Variants in PITRM1 observed in about 807,000 individuals in gnomAD.
PITRM1 encodes pitrilysin metallopeptidase 1.
In PITRM1, 100 loss-of-function variants were observed where a neutral mutation model predicts 129.9. That is an observed-to-expected ratio of 0.77 (90% CI 0.65 to 0.91). The LOEUF (loss-of-function observed/expected upper bound fraction) is 0.91, where lower values mean the gene tolerates loss of function less well. Among genes scored for constraint, PITRM1 ranks in the 40% least tolerant of loss-of-function variants. PITRM1 has a pLI of 0.00. For synonymous variants in PITRM1, 591 were observed against 508.8 expected (o/e 1.16, Z -2.17); for missense variants, 1,471 against 1,318.3 (o/e 1.12, Z -1.79).
intron 19 of PITRM1, 21 bp downstream of exon 19, chr10:3,147,551 G>C: frequency 6.2e-7 from 1 of 1,612,034 alleles, no homozygotes; most frequent in Non-Finnish European, 8.5e-7. Flanking sequence ...GAGTAATAGA[G>C]GTTCCTTCCA....
intron 14 of PITRM1, among the ~76,000 whole-genome samples, chr10:3,152,681 C>T (rs1412104225): frequency 2.6e-5 from 4 of 152,244 alleles, no homozygotes; most frequent in Non-Finnish European, 5.9e-5. Flanking sequence ...TGCCACCTAC[C>T]TAACATCCTG....
chr10:3,164,150 T>G lies in PITRM1; in HGVS notation c.631-265A>C, dbSNP rs113535156. 3.6e-3 allele frequency: 759 copies of G among 209,860 alleles called. 7 individuals are homozygous for G. Among genetic ancestry groups the G allele is most frequent in the African/African-American group, 0.016 (710 of 43,072 alleles). The allele number at this position is 209,860 out of a possible 1,614,324, so 13.0% of individuals were successfully genotyped here. A position where few individuals can be genotyped will look rare whatever the true frequency, so the allele number is the denominator to read the frequency against. On this transcript the variant is annotated intron_variant, in intron 6 of 26. Coordinates refer to ENST00000224949, the MANE Select transcript of PITRM1 (RefSeq NM_014889.4). ...TTTGATGTGTGGTGCAACAAACGCA[T>G]AGCTGAGGGCTGTAAATCGGGATGG...
rs1432249397 is a variant in PITRM1, at chr10:3,147,621, G to C, written c.2186C>G (p.Thr729Ser). 1 of 1,613,934 alleles carries C rather than the reference G, an allele frequency of 6.2e-7. No homozygotes were observed. Among genetic ancestry groups the C allele is most frequent in the East Asian group, 2.2e-5 (1 of 44,894 alleles). Residue 729 changes from threonine to serine, a missense_variant, in exon 19 of 27, where the codon ACC (threonine) becomes AGC (serine). Coordinates refer to ENST00000224949, the MANE Select transcript of PITRM1 (RefSeq NM_014889.4). ...HLYASIRAGR[T>S]LTPAGDLQET... ...CTGCAGGTCCCCTGCGGGCGTGAGGGTCCGGCCTGCCCTGATGGATGCGTA... is the reference window on the plus strand; with the variant it reads ...CTGCAGGTCCCCTGCGGGCGTGAGGCTCCGGCCTGCCCTGATGGATGCGTA...
chr10:3,156,253 T>A (rs962641367), intron 13 of PITRM1, among the ~76,000 whole-genome samples: 1 of 152,222 alleles, frequency 6.6e-6, no homozygotes, highest in Non-Finnish European at 1.5e-5. Flanking sequence ...TCATGTCCTT[T>A]CCTTGTTTCA....
At chr10:3,143,724 C>T in intron 22 of PITRM1, 1 of 703,480 alleles carries the variant, frequency 1.4e-6, no homozygotes, top group Admixed American at 2.0e-5. Context: ...CAATTTCTCA[C>T]TGTAAAACTG....
intron 20 of PITRM1, 157 bp downstream of exon 20, chr10:3,146,993 A>C (rs1808815783): frequency 4.1e-6 from 2 of 491,138 alleles, no homozygotes; most frequent in Non-Finnish European, 7.2e-6. Flanking sequence ...ATAGGCTTAA[A>C]ATATTTTCTT....
Position 3,166,313 on chromosome 10 carries a change from A to G in PITRM1, c.334T>C (p.Cys112Arg), listed in dbSNP as rs536452915. ...VPHILEHTVL[C>R]GSQKYPCRDP... ...CTGCACGGATATTTCTGAGACCCACAAAGGACGGTATGCTCAAGAATGTGA... is the reference window on the plus strand; with the variant it reads ...CTGCACGGATATTTCTGAGACCCACGAAGGACGGTATGCTCAAGAATGTGA... Residue 112 changes from cysteine (C) to arginine (R), a missense_variant, in exon 4 of 27, where the codon TGT (cysteine) becomes CGT (arginine). By Grantham distance (180) the Cys-to-Arg change is radical. Coordinates refer to ENST00000224949, the MANE Select transcript of PITRM1 (RefSeq NM_014889.4). The G allele has an allele frequency of 1.9e-6, 3 of 1,613,178 alleles. No homozygotes were observed. In the East Asian group the frequency reaches 6.7e-5, roughly 36 times the overall value.
intron 24 of PITRM1, 138 bp downstream of exon 24, chr10:3,140,549 G>T: frequency 1.3e-6 from 1 of 744,868 alleles, no homozygotes; most frequent in Non-Finnish European, 2.2e-6. Context: ...GTGGCTAAGT[G>T]CCCAAGGAGT....
chr10:3,138,724 ACTCTTCTCG>A, intron 25 of PITRM1, 171 bp downstream of exon 25: 1 of 751,640 alleles, frequency 1.3e-6, no homozygotes, highest in Admixed American at 1.9e-5. Context: ...GACAGGATGC[ACTCTTCTCG>A]CCCGGATGTC....
chr10:3,167,284 AGAGC>A (rs56035202), intron 2 of PITRM1, among the ~76,000 whole-genome samples: 43,880 of 149,054 alleles, frequency 0.29, 6,316 homozygotes, highest in South Asian at 0.33. Context: ...AAAGAGAGAG[AGAGC>A]GAGCGAGCGA....
chr10:3,171,149 A>T (rs1169407511), intron 1 of PITRM1, among the ~76,000 whole-genome samples: 3 of 52,584 alleles, frequency 5.7e-5, no homozygotes, highest in African/African-American at 1.2e-4. Flanking sequence ...CGTTCAATTA[A>T]AAAAAAAAAA....
chr10:3,172,598 C>T, intron 1 of PITRM1, 119 bp downstream of exon 1: 1 of 943,836 alleles, frequency 1.1e-6, no homozygotes, highest in Non-Finnish European at 1.5e-6. Context: ...GGGACGCCCA[C>T]AGCTTGGGGA....
chr10:3,147,847 T>C, intron 18 of PITRM1, 110 bp from the exon 19 acceptor site: 1 of 1,179,346 alleles, frequency 8.5e-7, no homozygotes, highest in Non-Finnish European at 1.2e-6. Context: ...AAAGAAATTT[T>C]ATAAGTCCAT....
intron 14 of PITRM1, among the ~76,000 whole-genome samples, chr10:3,154,041 CA>C (rs1841756335): frequency 6.6e-6 from 1 of 152,204 alleles, no homozygotes; most frequent in African/African-American, 2.4e-5. Context: ...CCACTGCAGT[CA>C]ACCACACCCC....
At chr10:3,141,271 A>T (rs1373581257) in intron 23 of PITRM1, among the ~76,000 whole-genome samples, 1 of 144,790 alleles carries the variant, frequency 6.9e-6, no homozygotes, top group Non-Finnish European at 1.6e-5. Flanking sequence ...ACAATTTTCA[A>T]ACAGTTGGCT....
chr10:3,138,356 G>A lies in PITRM1; in HGVS notation c.2918-19C>T. 1 of 1,559,440 alleles carries A rather than the reference G, an allele frequency of 6.4e-7. No homozygotes were observed. On this transcript the variant is annotated intron_variant, in intron 25 of 26. Transcript: ENST00000224949. ...TCCATTCCTAGAAGACAATCCACAG[G>A]CACGATGGAGCCGCTGCCCGGGAGC... is the stretch of plus-strand genomic sequence containing the variant.
Position 3,163,725 on chromosome 10 carries a change from C to T in PITRM1, c.791G>A (p.Arg264Lys). The change falls in exon 7 of 27, where the codon AGG (arginine) becomes AAG (lysine). Residue 264 changes from arginine to lysine, a missense_variant and splice_region_variant. Transcript: ENST00000224949. ...TCAAACTTTTCCAACAAAATATTAC[C>T]TAGCATTGCTTGGGTGATAGTGAGT... The part of the protein sequence containing the change: ...HATHYHPSNA[R>K]FFTYGNFPLE... 1.9e-6 allele frequency: 3 copies of T among 1,600,270 alleles called. No individual in the cohort carries two copies. Among genetic ancestry groups the T allele is most frequent in the Non-Finnish European group, 2.6e-6 (3 of 1,173,776 alleles).
At position 3,172,728 on chromosome 10, in the gene PITRM1, C is replaced by T. The variant is rs368645313; in HGVS notation, c.45G>A (p.Arg15=). The change falls in exon 1 of 27, where the codon CGG becomes CGA. Residue 15 remains arginine (R), a synonymous_variant. Coordinates refer to ENST00000224949, the MANE Select transcript of PITRM1 (RefSeq NM_014889.4). ...GGRQGLCVLR[R]LSGGHAHHRA... ...TCGCAGCGTCTCACCCGCCGCTCAG[C>T]CGCCTCAGCACACACAGGCCCTGCC... 1.1e-4 allele frequency: 169 copies of T among 1,542,814 alleles called. No individual in the cohort carries two copies. The East Asian group carries it at 3.2e-3, about 29-fold the overall frequency.
chr10:3,157,815 G>A (rs748505652), intron 11 of PITRM1, among the ~76,000 whole-genome samples: 7 of 152,168 alleles, frequency 4.6e-5, no homozygotes, highest in Non-Finnish European at 1.0e-4. Context: ...CAGCAGGCTG[G>A]GTGACAAAGC....
Sources: allele counts gnomAD v4.1 joint callset (sites outside exome capture counted in the v4.1 genomes callset), GRCh38; gene constraint gnomAD v4.1.1; transcripts MANE v1.5; gene names NCBI Gene and HGNC (gene_info 2026-07-23, HGNC 2026-07-21).